Variants in SLC9B1 observed in about 807,000 individuals in gnomAD.
SLC9B1 encodes sodium/hydrogen exchanger 9B1.
In SLC9B1, 32 loss-of-function variants were observed where a neutral mutation model predicts 51.7. That is an observed-to-expected ratio of 0.62 (90% CI 0.47 to 0.83). The LOEUF (loss-of-function observed/expected upper bound fraction) is 0.83. Among genes scored for constraint, SLC9B1 ranks in the 40% least tolerant of loss-of-function variants. The pLI, the probability that SLC9B1 is intolerant of heterozygous loss-of-function variation, is 0.00. For missense variants in SLC9B1, 406 were observed against 613.2 expected (o/e 0.66, Z 3.57); for synonymous variants, 145 against 212.7 (o/e 0.68, Z 2.77).
intron 1 of SLC9B1, among the ~76,000 whole-genome samples, chr4:103,016,335 C>T (rs183136615): frequency 0.012 from 1,867 of 152,056 alleles, 21 homozygotes; most frequent in Non-Finnish European, 0.02. Flanking sequence ...GCTTAAGTGT[C>T]CTTATCTTTA....
intron 9 of SLC9B1, among the ~76,000 whole-genome samples, chr4:102,907,272 C>T (rs556805668): frequency 2.3e-4 from 35 of 152,094 alleles, no homozygotes; most frequent in Non-Finnish European, 3.2e-4. Flanking sequence ...AGAGATATAA[C>T]TACATCATGC....
chr4:102,966,781 C>T (rs1224724632), intron 3 of SLC9B1, among the ~76,000 whole-genome samples: 1 of 152,164 alleles, frequency 6.6e-6, no homozygotes, highest in African/African-American at 2.4e-5. Flanking sequence ...TTCTGCTGCA[C>T]CCTTGGATTC....
chr4:102,947,939 A>G (rs1205381844), intron 4 of SLC9B1, among the ~76,000 whole-genome samples: 2 of 109,396 alleles, frequency 1.8e-5, no homozygotes, highest in Non-Finnish European at 3.8e-5. Flanking sequence ...TAAGATAATT[A>G]TTTACTTAAT....
Position 102,905,532 on chromosome 4 carries a change from C to T in SLC9B1, c.1314G>A (p.Met438Ile). 1.2e-6 allele frequency: 2 copies of T among 1,610,592 alleles called. No homozygotes were observed. The highest frequency in any genetic ancestry group is 1.7e-6 in the Non-Finnish European group (2 of 1,178,848). ...KEKIFIALAW[M>I]PKATVQAVLG... The stretch of plus-strand genomic sequence containing the variant: ...TTCTTACCTGTACTGTAGCTTTGGG[C>T]ATCCATGCTAAAGCAATAAATATTT... The change falls in exon 11 of 12, where the codon ATG (methionine) becomes ATA (isoleucine). Residue 438 changes from methionine to isoleucine, a missense_variant. By Grantham distance (10) the Met-to-Ile change is conservative. This residue lies in a region of SLC9B1 where 24 missense variants were observed against 30.7 expected (regional missense o/e 0.78). Coordinates refer to ENST00000296422, the MANE Select transcript of SLC9B1 (RefSeq NM_139173.4).
At chr4:102,946,068 A>G (rs975709491) in intron 5 of SLC9B1, among the ~76,000 whole-genome samples, 3 of 152,230 alleles carry the variant, frequency 2.0e-5, no homozygotes, top group African/African-American at 7.2e-5. Flanking sequence ...AAAGACTTTT[A>G]TAAGGTTTTT....
intron 11 of SLC9B1, among the ~76,000 whole-genome samples, chr4:102,893,726 C>G (rs1206247175): frequency 6.6e-6 from 1 of 152,000 alleles, no homozygotes; most frequent in Non-Finnish European, 1.5e-5. Context: ...GAGTTCAAGA[C>G]CAGCCTGGAC....
chr4:102,992,267 T>G (rs1739979820), intron 1 of SLC9B1, among the ~76,000 whole-genome samples: 1 of 152,160 alleles, frequency 6.6e-6, no homozygotes, highest in Non-Finnish European at 1.5e-5. Flanking sequence ...AAATAATAAT[T>G]ACTTATAACT....
At chr4:102,898,385 C>T (rs1578327863), downstream of SLC9B1, 1 of 239,460 alleles carries the variant, frequency 4.2e-6, no homozygotes, top group Non-Finnish European at 8.2e-6. Flanking sequence ...ACCAAGCAAA[C>T]GTCAGATCTA....
intron 11 of SLC9B1, chr4:102,891,725 ATTAT>A (rs1341956715): frequency 1.6e-4 from 24 of 152,248 alleles, no homozygotes; most frequent in Non-Finnish European, 3.2e-4. Context: ...TTACTACATA[ATTAT>A]TTATTTTGTT....
chr4:102,911,642 T>C (rs1735341077), intron 7 of SLC9B1, 105 bp from the exon 8 acceptor site: 2 of 660,422 alleles, frequency 3.0e-6, no homozygotes, highest in Non-Finnish European at 2.6e-6. Context: ...GTAAGCATTT[T>C]ATAGAACAAA....
chr4:102,995,951 A>T lies in SLC9B1; in HGVS notation c.-1-4239T>A, dbSNP rs145326550. Among the ~76,000 whole-genome samples, 207 of 152,298 alleles carry T rather than the reference A, an allele frequency of 1.4e-3. No individual in the cohort carries two copies. In the Middle Eastern group the frequency reaches 0.017, roughly 13 times the overall value. On this transcript the variant is annotated intron_variant, in intron 1 of 11. Coordinates refer to ENST00000296422, the MANE Select transcript of SLC9B1 (RefSeq NM_139173.4). ...TTTAATACTATTATCCCCATTTTAT[A>T]GATGTTCAAACTATGGATGCAGGAA...
At chr4:102,903,599 G>A (rs1000072864) in intron 11 of SLC9B1, among the ~76,000 whole-genome samples, 1 of 152,082 alleles carries the variant, frequency 6.6e-6, no homozygotes, top group Non-Finnish European at 1.5e-5. Flanking sequence ...GATAATAGAG[G>A]TTTTTTTTGC....
chr4:102,972,024 A>G (rs1738790579), intron 3 of SLC9B1, among the ~76,000 whole-genome samples: 1 of 152,212 alleles, frequency 6.6e-6, no homozygotes, highest in Admixed American at 6.5e-5. Flanking sequence ...AAAAAAGTCC[A>G]GGACCAGATG....
At chr4:102,967,994 C>A (rs185389863) in intron 3 of SLC9B1, among the ~76,000 whole-genome samples, 68 of 152,226 alleles carry the variant, frequency 4.5e-4, no homozygotes, top group African/African-American at 1.6e-3. Context: ...GAAAAATTGA[C>A]AAGCTGATTC....
exon 12 of SLC9B1, chr4:102,885,139 T>C: frequency 8.9e-7 from 1 of 1,120,640 alleles, no homozygotes; most frequent in South Asian, 1.3e-5. Context: ...AAGAATAAGC[T>C]CAAGGATGAA....
chr4:102,917,435 ATATCTATATCTATATCTATATC>A (rs1287625745), intron 7 of SLC9B1, among the ~76,000 whole-genome samples: 1 of 35,028 alleles, frequency 2.9e-5, no homozygotes, highest in Admixed American at 2.4e-4. Context: ...GCATGTATCT[ATATCTATATCTATATCTATATC>A]TATATCTATA....
intron 1 of SLC9B1, among the ~76,000 whole-genome samples, chr4:102,994,483 T>C (rs1740115449): frequency 6.6e-6 from 1 of 152,198 alleles, no homozygotes; most frequent in African/African-American, 2.4e-5. Context: ...CTTTCCCACA[T>C]CTTCCTCTCT....
intron 6 of SLC9B1, among the ~76,000 whole-genome samples, chr4:102,932,998 G>A (rs569490228): frequency 6.6e-6 from 1 of 152,342 alleles, no homozygotes; most frequent in Admixed American, 6.5e-5. Flanking sequence ...GAGGAATGGG[G>A]AGGCTCCTGC....
intron 3 of SLC9B1, chr4:102,963,079 T>C: frequency 2.4e-6 from 1 of 420,068 alleles, no homozygotes; most frequent in Non-Finnish European, 4.8e-6. Context: ...GAACCTCAAC[T>C]ACAGAGAGAT....
Sources: allele counts gnomAD v4.1 joint callset (sites outside exome capture counted in the v4.1 genomes callset), GRCh38; gene constraint gnomAD v4.1.1; regional missense constraint gnomAD v4.1.1; transcripts MANE v1.5; gene names NCBI Gene and HGNC (gene_info 2026-07-23, HGNC 2026-07-21).